Variants in ADCY9 observed in about 807,000 individuals in gnomAD.
ADCY9 encodes adenylate cyclase type 9.
Under a neutral mutation model 101.5 loss-of-function variants are expected in ADCY9, and 50 were observed. That is an observed-to-expected ratio of 0.49 (90% CI 0.39 to 0.62). ADCY9 has a LOEUF of 0.62. ADCY9 is among the 20% of genes least tolerant of loss of function. ADCY9 has a pLI of 0.00. For synonymous variants in ADCY9, 905 were observed against 769.3 expected, an observed-to-expected ratio of 1.18 and a Z score of -2.92; for missense variants, 1,662 against 1,800.4, an observed-to-expected ratio of 0.92 and a Z score of 1.39.
intron 3 of ADCY9, among the ~76,000 whole-genome samples, chr16:4,001,010 T>C (rs72762764): frequency 0.21 from 9,729 of 46,524 alleles, 453 homozygotes; most frequent in East Asian, 0.32. Context: ...CACACACACA[T>C]ATATAATTTC....
chr16:4,069,509 C>T (rs902681624), intron 2 of ADCY9, among the ~76,000 whole-genome samples: 2 of 150,794 alleles, frequency 1.3e-5, no homozygotes, highest in African/African-American at 2.4e-5. Flanking sequence ...GGAAGAACAA[C>T]GAATAAATAG....
At chr16:3,974,613 A>C (rs541746292) in intron 10 of ADCY9, 56 bp downstream of exon 10, 12 of 1,416,944 alleles carry the variant, frequency 8.5e-6, no homozygotes, top group East Asian at 2.3e-5. Flanking sequence ...CGAAATGGGC[A>C]GGGTAATACA....
chr16:3,986,367 C>T (rs1446473438), intron 6 of ADCY9, among the ~76,000 whole-genome samples: 1 of 152,172 alleles, frequency 6.6e-6, no homozygotes, highest in African/African-American at 2.4e-5. Flanking sequence ...CCCTGAGTTT[C>T]GGTAACAGCC....
chr16:4,097,487 T>TATATACATACACACAC (rs76750792), intron 2 of ADCY9, among the ~76,000 whole-genome samples: 2 of 72,508 alleles, frequency 2.8e-5, no homozygotes, highest in Admixed American at 3.3e-4. Flanking sequence ...TATATATATA[T>TATATACATACACACAC]ACACACACAC....
intron 6 of ADCY9, among the ~76,000 whole-genome samples, chr16:3,988,705 G>C (rs866408003): frequency 6.6e-6 from 1 of 151,468 alleles, no homozygotes; most frequent in East Asian, 1.9e-4. Flanking sequence ...AGGTTGTGGT[G>C]GGGGGGCCCC....
chr16:4,090,147 G>C (rs1285395165), intron 2 of ADCY9, among the ~76,000 whole-genome samples: 2 of 152,040 alleles, frequency 1.3e-5, no homozygotes, highest in Admixed American at 6.6e-5. Context: ...CTGACTTGGA[G>C]GGGACTCCAG....
chr16:3,981,162 G>C (rs1321618120), intron 7 of ADCY9, among the ~76,000 whole-genome samples: 3 of 152,242 alleles, frequency 2.0e-5, no homozygotes, highest in Non-Finnish European at 2.9e-5. Flanking sequence ...CCACAGGCCT[G>C]TTCAGGGGTG....
intron 5 of ADCY9, among the ~76,000 whole-genome samples, chr16:3,956,842 C>T (rs72760884): frequency 1.3e-4 from 20 of 152,086 alleles, no homozygotes; most frequent in African/African-American, 4.8e-4. Context: ...CAAACCTTGC[C>T]TCTCCCCTAT....
intron 2 of ADCY9, among the ~76,000 whole-genome samples, chr16:4,091,838 T>C (rs2056975609): frequency 6.6e-6 from 1 of 152,182 alleles, no homozygotes; most frequent in African/African-American, 2.4e-5. Context: ...TTAGTGGGTG[T>C]AGGGTTTCCT....
intron 2 of ADCY9, among the ~76,000 whole-genome samples, chr16:4,025,206 A>AT (rs1228468712): frequency 1.3e-5 from 2 of 151,888 alleles, no homozygotes; most frequent in Non-Finnish European, 2.9e-5. Context: ...TCTATTAAAA[A>AT]ATATATATAT....
rs372461075 is a variant in ADCY9 at position 4,114,800 on chromosome 16, C to A, written c.643G>T (p.Asp215Tyr). 6.2e-7 allele frequency: 1 copy of A among 1,613,340 alleles called. No homozygotes were observed. The highest frequency in any genetic ancestry group is 1.7e-5 in the Admixed American group (1 of 60,034). ...CTCCCCACTTGAGATAAGCAAGTAT[C>A]TGTGGGCCGGGCTGTGGCCGTAAGG... is the stretch of plus-strand genomic sequence containing the variant. ...SNLTATARPTDTCLSQVGSFS... is the reference protein window; with the variant it reads ...SNLTATARPTYTCLSQVGSFS... The change falls in exon 2 of 11, where the codon GAT (aspartate) becomes TAT (tyrosine). Residue 215 changes from aspartate to tyrosine, a missense_variant. Asp to Tyr is a radical substitution (Grantham distance 160). This residue lies in a region of ADCY9 where 422 missense variants were observed against 392.0 expected (regional missense o/e 1.08). Transcript: ENST00000294016. The surrounding 1 kb of genome is among the most constrained non-coding windows in gnomAD (Gnocchi z 4.3).
At chr16:4,086,129 G>T (rs1013979331) in intron 2 of ADCY9, among the ~76,000 whole-genome samples, 2 of 151,876 alleles carry the variant, frequency 1.3e-5, no homozygotes, top group African/African-American at 4.8e-5. Context: ...GGGGAAGGTG[G>T]CGACGCAATG....
At chr16:4,074,715 G>GAAAAAAAAA (rs1256571575) in intron 2 of ADCY9, among the ~76,000 whole-genome samples, 3 of 40,014 alleles carry the variant, frequency 7.5e-5, no homozygotes, top group African/African-American at 9.8e-5. Flanking sequence ...ATACCCAGTG[G>GAAAAAAAAA]CAAAAAAAAA....
chr16:4,068,537 G>A (rs542321965), intron 2 of ADCY9, among the ~76,000 whole-genome samples: 8 of 152,084 alleles, frequency 5.3e-5, no homozygotes, highest in South Asian at 2.1e-4. Flanking sequence ...GTTCATGGCC[G>A]GGCACGGTGG....
intron 3 of ADCY9, among the ~76,000 whole-genome samples, chr16:4,003,419 G>A (rs894143239): frequency 1.3e-5 from 2 of 152,110 alleles, no homozygotes; most frequent in African/African-American, 4.8e-5. Context: ...GAGTGTGAGC[G>A]AGGCTTCTTC....
At chr16:4,092,460 A>G (rs2056979558) in intron 2 of ADCY9, among the ~76,000 whole-genome samples, 1 of 152,228 alleles carries the variant, frequency 6.6e-6, no homozygotes, top group Admixed American at 6.5e-5. Flanking sequence ...TAACATTCAC[A>G]TTTTAGCTTA....
At chr16:3,962,564 C>G (rs184957168), downstream of ADCY9, 7 of 152,088 alleles carry the variant, frequency 4.6e-5, no homozygotes, top group African/African-American at 1.7e-4. Context: ...AGCCACAGAT[C>G]GCAGAAAACA....
At chr16:3,953,990 G>C (rs1020007923) in intron 5 of ADCY9, among the ~76,000 whole-genome samples, 3 of 152,174 alleles carry the variant, frequency 2.0e-5, no homozygotes, top group Non-Finnish European at 4.4e-5. Context: ...ATCATCTCAC[G>C]GATGGCTGAA....
intron 2 of ADCY9, among the ~76,000 whole-genome samples, chr16:4,024,237 C>G (rs12930820): frequency 0.87 from 132,659 of 151,916 alleles, 58,643 homozygotes; most frequent in Non-Finnish European, 0.95. Context: ...TGGTCAGGCT[C>G]GTCTCAAAGT....
Sources: allele counts gnomAD v4.1 joint callset (sites outside exome capture counted in the v4.1 genomes callset), GRCh38; gene constraint gnomAD v4.1.1; regional missense constraint gnomAD v4.1.1; non-coding constraint Gnocchi (gnomAD v3.1); transcripts MANE v1.5; gene names NCBI Gene and HGNC (gene_info 2026-07-23, HGNC 2026-07-21).